CLVS1: variants seen among roughly 807,000 people sequenced by gnomAD.
CLVS1 encodes clavesin-1.
CLVS1 carries 10 observed loss-of-function variants against 33.1 expected under a neutral mutation model. That is an observed-to-expected ratio of 0.30 (90% confidence interval 0.19 to 0.51). CLVS1 has a LOEUF of 0.51. Among genes scored for constraint, CLVS1 ranks in the 20% least tolerant of loss-of-function variants. The pLI is 0.97. For synonymous variants in CLVS1, 163 were observed against 166.1 expected (o/e 0.98, Z 0.14); for missense variants, 343 against 433.4 (o/e 0.79, Z 1.85).
chr8:61,273,761 C>G (rs1163387137), intron 2 of CLVS1, among the ~76,000 whole-genome samples: 1 of 152,242 alleles, frequency 6.6e-6, no homozygotes, highest in Non-Finnish European at 1.5e-5. Flanking sequence ...TTTCCAGGTG[C>G]TGCCCATCAC....
intron 2 of CLVS1, among the ~76,000 whole-genome samples, chr8:61,359,683 T>A (rs1479446651): frequency 1.3e-5 from 2 of 152,188 alleles, no homozygotes; most frequent in African/African-American, 4.8e-5. Flanking sequence ...AATTTAGGTG[T>A]AAGAGCTCTG....
At chr8:61,418,099 C>T (rs928814209) in intron 3 of CLVS1, among the ~76,000 whole-genome samples, 6 of 152,212 alleles carry the variant, frequency 3.9e-5, no homozygotes, top group Admixed American at 1.3e-4. Context: ...CCTGCTACTG[C>T]CCCTGTCACC....
the CLVS1 span, among the ~76,000 whole-genome samples, chr8:60,996,723 A>T: frequency 6.6e-6 from 1 of 152,146 alleles, no homozygotes; most frequent in East Asian, 1.9e-4. Context: ...CCTCTAGCTG[A>T]GGTTAATGAC....
At chr8:61,466,991 C>T (rs544567327) in intron 5 of CLVS1, among the ~76,000 whole-genome samples, 129 of 152,288 alleles carry the variant, frequency 8.5e-4, no homozygotes, top group East Asian at 2.5e-3. Context: ...CACAGAAACA[C>T]TATCATGATG....
At chr8:61,101,243 C>G (rs1189425110) in intron 1 of CLVS1, among the ~76,000 whole-genome samples, 2 of 152,078 alleles carry the variant, frequency 1.3e-5, no homozygotes, top group African/African-American at 4.8e-5. Context: ...CACATCTTCG[C>G]CAATACTTTT....
chr8:61,463,033 T>C (rs1817421892), intron 5 of CLVS1, among the ~76,000 whole-genome samples: 1 of 152,252 alleles, frequency 6.6e-6, no homozygotes, highest in Non-Finnish European at 1.5e-5. Flanking sequence ...GCTTCATCAA[T>C]GATCTTTCCT....
chr8:61,333,335 T>C (rs932403528), intron 2 of CLVS1, among the ~76,000 whole-genome samples: 1 of 152,162 alleles, frequency 6.6e-6, no homozygotes, highest in Non-Finnish European at 1.5e-5. Flanking sequence ...CAGTGAATTG[T>C]GACAGTTGTT....
chr8:61,037,245 T>C, the CLVS1 span, among the ~76,000 whole-genome samples: 1 of 152,208 alleles, frequency 6.6e-6, no homozygotes, highest in African/African-American at 2.4e-5. Flanking sequence ...GCACAATTAA[T>C]GGGTACTGAA....
Position 61,326,671 on chromosome 8 carries a change from A to G in CLVS1, c.455+26389A>G, listed in dbSNP as rs572269448. Among the ~76,000 whole-genome samples the G allele has an allele frequency of 8.0e-4, 122 of 152,310 alleles. 1 individual carries two copies. Among genetic ancestry groups the G allele is most frequent in the Non-Finnish European group, 2.1e-4 (14 of 68,020 alleles). The stretch of plus-strand genomic sequence containing the variant: ...GGGAGGAATTTGTGACCATTAAACA[A>G]TGTACCACAGAAACCAAATCCTCTT... On this transcript the variant is annotated intron_variant, in intron 2 of 5. Transcript: ENST00000325897.
At chr8:61,482,565 G>C (rs1479957858) in intron 5 of CLVS1, among the ~76,000 whole-genome samples, 1 of 152,222 alleles carries the variant, frequency 6.6e-6, no homozygotes, top group African/African-American at 2.4e-5. Flanking sequence ...ACATGCACAA[G>C]CTTCAGTAGC....
intron 1 of CLVS1, among the ~76,000 whole-genome samples, chr8:61,097,892 G>C (rs2129285852): frequency 6.6e-6 from 1 of 152,322 alleles, no homozygotes; most frequent in South Asian, 2.1e-4. Context: ...CTTGGGGGCA[G>C]TGGATCTTGT....
At chr8:61,306,451 C>G (rs943367332) in intron 2 of CLVS1, among the ~76,000 whole-genome samples, 2 of 152,122 alleles carry the variant, frequency 1.3e-5, no homozygotes, top group Non-Finnish European at 2.9e-5. Context: ...TTGTGGGATG[C>G]ATTACATGCA....
chr8:61,165,242 A>G (rs956066021), intron 2 of CLVS1, among the ~76,000 whole-genome samples: 2 of 152,218 alleles, frequency 1.3e-5, no homozygotes, highest in African/African-American at 4.8e-5. Context: ...GGTCTGCGAC[A>G]GTGGCAAAAC....
rs1200772191 is a variant in CLVS1, at chr8:61,086,286, G to GA, written c.-243+29060dup. 6.6e-5 allele frequency among the ~76,000 whole-genome samples: 10 copies of GA among 152,066 alleles called. No homozygotes were observed. In the East Asian group the frequency reaches 1.9e-3, roughly 29 times the overall value. Reference sequence around the variant, plus strand: ...CTTATGAGTCAGTGAAGTCTGACTTGAAAACCTAGGAGACTCAATTTGCAT... The same window carrying GA: ...CTTATGAGTCAGTGAAGTCTGACTTGAAAAACCTAGGAGACTCAATTTGCAT... On this transcript the variant is annotated intron_variant, in intron 1 of 2. Coordinates refer to the CLVS1 transcript ENST00000522621.
In CLVS1 at chr8:61,299,975, C is replaced by T. The variant is rs1439077423; in HGVS notation, c.148C>T (p.His50Tyr). The T allele has an allele frequency of 1.1e-5, 18 of 1,613,894 alleles. No individual in the cohort carries two copies. Among genetic ancestry groups the T allele is most frequent in the Admixed American group, 1.7e-5 (1 of 59,952 alleles). ...ACTGAATGAAAACCCCGATGTTTTA[C>T]ATCAGGATATTCAGCAAGTCAGGGA... ...LELNENPDVL[H>Y]QDIQQVRDMI... Residue 50 changes from histidine to tyrosine, a missense_variant, in exon 2 of 6, where the codon CAT (histidine) becomes TAT (tyrosine). By Grantham distance (83) the His-to-Tyr change is moderately conservative (BLOSUM62 2). Around this residue, in one of 4 missense-constraint regions of CLVS1, gnomAD observed 88 missense variants for 77.3 expected, o/e 1.14. Transcript: ENST00000325897.
chr8:61,230,200 G>C (rs970137817), intron 2 of CLVS1, among the ~76,000 whole-genome samples: 1 of 152,188 alleles, frequency 6.6e-6, no homozygotes. Context: ...GCTGAACCCT[G>C]ATGCAGACTA....
chr8:61,149,571 A>AAAAAAAC (rs1252529979), intron 2 of CLVS1, among the ~76,000 whole-genome samples: 3 of 149,956 alleles, frequency 2.0e-5, no homozygotes, highest in African/African-American at 7.4e-5. Flanking sequence ...AAAAAAAACA[A>AAAAAAAC]AAAACAAAAC....
intron 2 of CLVS1, among the ~76,000 whole-genome samples, chr8:61,175,320 C>T (rs1266370079): frequency 6.6e-6 from 1 of 152,160 alleles, no homozygotes; most frequent in Non-Finnish European, 1.5e-5. Context: ...GTGCTTCTAT[C>T]ATGTGAGGAC....
intron 2 of CLVS1, among the ~76,000 whole-genome samples, chr8:61,224,528 G>A (rs1808287785): frequency 6.6e-6 from 1 of 152,182 alleles, no homozygotes; most frequent in African/African-American, 2.4e-5. Context: ...CTAGAGAACA[G>A]CAAAGATGAG....
Sources: gnomAD v4.1 joint callset for allele counts (sites outside exome capture counted in the v4.1 genomes callset) on GRCh38, gnomAD v4.1.1 for gene constraint, gnomAD v4.1.1 regional missense constraint, MANE v1.5 for transcripts, NCBI Gene and HGNC (gene_info 2026-07-23, HGNC 2026-07-21) for gene names.